Variants in OTOA observed in about 807,000 individuals in gnomAD.
OTOA encodes the protein otoancorin, also known as cancer/testis antigen 108.
OTOA carries 70 observed loss-of-function variants against 110.8 expected under a neutral mutation model. That is an observed-to-expected ratio of 0.63 (90% CI 0.52 to 0.77). The LOEUF is 0.77. OTOA is among the 30% of genes least tolerant of loss of function. The pLI is 0.00. For missense variants in OTOA, 917 were observed against 1,075.8 expected, an observed-to-expected ratio of 0.85 and a Z score of 2.06; for synonymous variants, 373 against 431.5, an observed-to-expected ratio of 0.86 and a Z score of 1.68.
At chr16:21,674,043 C>T (rs539684404) in intron 1 of OTOA, among the ~76,000 whole-genome samples, 36 of 152,146 alleles carry the variant, frequency 2.4e-4, no homozygotes, top group Admixed American at 9.2e-4. Context: ...GTGATCCACC[C>T]GCCTCAGCCT....
chr16:21,748,995 G>A (rs1262118853), intron 24 of OTOA: 4 of 146,726 alleles, frequency 2.7e-5, no homozygotes, highest in African/African-American at 7.3e-5. Flanking sequence ...GAAAAATCAC[G>A]ATAAGTGATG....
chr16:21,721,407 C>T (rs551529763), intron 17 of OTOA: 14 of 455,384 alleles, frequency 3.1e-5, no homozygotes, highest in Admixed American at 7.0e-5. Context: ...TTGTCACAAC[C>T]GGAGCAGAGC....
In OTOA at chr16:21,689,701, T is replaced by C. The variant is rs555930141; in HGVS notation, c.636-1883T>C. ...CTTTATTTATGTAATTTTTTTTTTT[T>C]TGAGACAGAGTTTCACTCTTGTTGC... On this transcript the variant is annotated intron_variant, in intron 8 of 28. Transcript: ENST00000646100. Among the ~76,000 whole-genome samples, 194 of 152,224 alleles carry C rather than the reference T, an allele frequency of 1.3e-3. 1 individual carries two copies. The highest frequency in any genetic ancestry group is 4.0e-3 in the African/African-American group (165 of 41,546).
chr16:21,690,438 T>C (rs1897806888), intron 8 of OTOA, among the ~76,000 whole-genome samples: 1 of 148,230 alleles, frequency 6.7e-6, no homozygotes, highest in Non-Finnish European at 1.5e-5. Flanking sequence ...AGTGAGAACA[T>C]GGGGTGTTTC....
At chr16:21,671,586 CAAAAAAAAA>C (rs369010025) in intron 1 of OTOA, among the ~76,000 whole-genome samples, 2 of 78,496 alleles carry the variant, frequency 2.5e-5, no homozygotes, top group South Asian at 8.9e-4. Context: ...GACTCCATAT[CAAAAAAAAA>C]AAAAAGAAAA....
At chr16:21,696,022 G>C (rs1044002686) in intron 9 of OTOA, among the ~76,000 whole-genome samples, 1 of 150,134 alleles carries the variant, frequency 6.7e-6, no homozygotes, top group African/African-American at 2.5e-5. Context: ...AGCTTCCTGA[G>C]TAGCTGGGAC....
In OTOA at chr16:21,732,230, G is replaced by A. The variant is rs181695010; in HGVS notation, c.2301+1300G>A. Among the ~76,000 whole-genome samples, 42 of 152,346 alleles carry A rather than the reference G, an allele frequency of 2.8e-4. 1 individual carries two copies. The East Asian group carries it at 7.9e-3, about 29-fold the overall frequency. On this transcript the variant is annotated intron_variant, in intron 21 of 28. Coordinates refer to ENST00000646100, the MANE Select transcript of OTOA (RefSeq NM_144672.4). ...ATCTGCCCGCCTCGGCCTCCCAAGT[G>A]CTGGGATTACAGGCGTGAGCCACCA...
intron 14 of OTOA, 122 bp downstream of exon 14, chr16:21,715,274 T>C: frequency 2.2e-6 from 3 of 1,370,286 alleles, no homozygotes; most frequent in Non-Finnish European, 3.1e-6. Context: ...TGTTGGTGTC[T>C]GGGGTGGCTC....
intron 7 of OTOA, among the ~76,000 whole-genome samples, chr16:21,686,744 AC>A (rs1897721730): frequency 6.6e-6 from 1 of 152,022 alleles, no homozygotes; most frequent in African/African-American, 2.4e-5. Context: ...TCTACAAAAA[AC>A]AGCTGAGCAT....
chr16:21,697,706 T>G (rs967080101), intron 9 of OTOA, 69 bp from the exon 10 acceptor site: 3 of 1,346,668 alleles, frequency 2.2e-6, no homozygotes, highest in African/African-American at 2.9e-5. Context: ...TGCTGTTGAC[T>G]ATCACATACC....
Position 21,728,418 on chromosome 16 carries a change from C to T in OTOA, c.2194C>T (p.Leu732=). 1 of 1,613,974 alleles carries T rather than the reference C, an allele frequency of 6.2e-7. No homozygotes were observed. Among genetic ancestry groups the T allele is most frequent in the Non-Finnish European group, 8.5e-7 (1 of 1,179,966 alleles). ...EQKAAVRLKL[L]GQYGLPQHWT... is the part of the protein sequence containing the mutation. The stretch of plus-strand genomic sequence containing the variant: ...AAAGGCTGCAGTGAGGCTCAAGCTC[C>T]TGGGACAGTATGGGTGAGGAGCGGC... The change falls in exon 20 of 29, where the codon CTG becomes TTG. Residue 732 remains leucine (L), a synonymous_variant. Coordinates refer to ENST00000646100, the MANE Select transcript of OTOA (RefSeq NM_144672.4).
chr16:21,700,744 A>T, intron 10 of OTOA, 144 bp from the exon 11 acceptor site: 2 of 990,612 alleles, frequency 2.0e-6, no homozygotes, highest in Non-Finnish European at 3.0e-6. Context: ...AAAAAAGAAA[A>T]GAAAAAAAGA....
intron 24 of OTOA, among the ~76,000 whole-genome samples, chr16:21,749,612 C>T (rs1899760031): frequency 7.0e-6 from 1 of 142,468 alleles, no homozygotes; most frequent in Non-Finnish European, 1.5e-5. Context: ...GGGGTCTCTC[C>T]TTGGATGTCT....
At chr16:21,726,281 A>T (rs1167752769) in intron 18 of OTOA, among the ~76,000 whole-genome samples, 1 of 151,750 alleles carries the variant, frequency 6.6e-6, no homozygotes, top group Non-Finnish European at 1.5e-5. Flanking sequence ...AGAGAGCATG[A>T]TGGGAAGTTT....
At chr16:21,703,990 G>T (rs1433419959) in intron 11 of OTOA, among the ~76,000 whole-genome samples, 1 of 152,104 alleles carries the variant, frequency 6.6e-6, no homozygotes, top group Non-Finnish European at 1.5e-5. Context: ...TGTACAGTAT[G>T]GGAGTACAGA....
At chr16:21,686,791 G>A (rs1241615152) in intron 7 of OTOA, among the ~76,000 whole-genome samples, 1 of 152,140 alleles carries the variant, frequency 6.6e-6, no homozygotes, top group Non-Finnish European at 1.5e-5. Context: ...TACTTGGGAG[G>A]CTGAGGTGGG....
At chr16:21,678,850 C>T in intron 2 of OTOA, 65 bp from the exon 3 acceptor site, 1 of 1,575,002 alleles carries the variant, frequency 6.3e-7, no homozygotes, top group Non-Finnish European at 8.7e-7. Flanking sequence ...TCCTCTAACC[C>T]ATATTTGTAG....
intron 19 of OTOA, among the ~76,000 whole-genome samples, chr16:21,727,957 C>T (rs1188477400): frequency 5.9e-5 from 9 of 151,722 alleles, no homozygotes; most frequent in African/African-American, 1.7e-4. Flanking sequence ...CTCTGCCTCC[C>T]GGGTTCAAGC....
At chr16:21,711,108 G>A (rs188306822) in intron 13 of OTOA, among the ~76,000 whole-genome samples, 1 of 152,350 alleles carries the variant, frequency 6.6e-6, no homozygotes, top group African/African-American at 2.4e-5. Context: ...ACCACCAGGT[G>A]ACACCACAGA....
Sources: gnomAD v4.1 joint callset for allele counts (sites outside exome capture counted in the v4.1 genomes callset) on GRCh38, gnomAD v4.1.1 for gene constraint, MANE v1.5 for transcripts, NCBI Gene and HGNC (gene_info 2026-07-23, HGNC 2026-07-21) for gene names.